Variants in PFKFB2 observed in about 807,000 individuals in gnomAD.
PFKFB2 encodes the protein 6-phosphofructo-2-kinase/fructose-2,6-biphosphatase 2.
Under a neutral mutation model 68.0 loss-of-function variants are expected in PFKFB2, and 53 were observed. The ratio of observed to expected loss-of-function variants is 0.78; its 90% CI spans 0.63 to 0.98. PFKFB2 has a LOEUF of 0.98. Ranked by LOEUF, PFKFB2 falls within the 50% of genes least tolerant of loss-of-function variation. The pLI is 0.00. For missense variants in PFKFB2, 451 were observed against 642.0 expected (o/e 0.70, Z 3.22); for synonymous variants, 222 against 227.6 (o/e 0.98, Z 0.22).
chr1:207,051,133 TC>T (rs1682741947), upstream of PFKFB2: 22 of 1,419,972 alleles, frequency 1.5e-5, no homozygotes, highest in African/African-American at 5.8e-5. Context: ...AACTGATTTT[TC>T]CCCCACCCTC....
chr1:207,046,025 C>T (rs932256050), intron 2 of PFKFB2: 6 of 151,940 alleles, frequency 3.9e-5, no homozygotes, highest in African/African-American at 1.4e-4. Context: ...CACAAAATTT[C>T]CAGGTATGTT....
At chr1:207,060,528 A>G (rs990045220) in intron 2 of PFKFB2, among the ~76,000 whole-genome samples, 1 of 152,206 alleles carries the variant, frequency 6.6e-6, no homozygotes, top group Non-Finnish European at 1.5e-5. Flanking sequence ...ACTATGGTTT[A>G]GAAATTCTGG....
In PFKFB2 at chr1:207,063,436, C is replaced by G. The variant is rs761380567; in HGVS notation, c.450+15C>G. 8.8e-6 allele frequency: 14 copies of G among 1,588,226 alleles called. 1 individual carries two copies. The South Asian group carries it at 1.6e-4, about 18-fold the overall frequency. The stretch of plus-strand genomic sequence containing the variant: ...ATTCCTTCAAGGTAGGATCTGACTC[C>G]ATGTTGGAGGAAAAGGGATGAGTAG... On this transcript the variant is annotated intron_variant, in intron 6 of 14. Transcript: ENST00000367080. The surrounding 1 kb of genome is among the most constrained non-coding windows in gnomAD (Gnocchi z 4.1).
At chr1:207,036,927 C>A (rs1320725126) in intron 1 of PFKFB2, among the ~76,000 whole-genome samples, 1 of 152,272 alleles carries the variant, frequency 6.6e-6, no homozygotes, top group African/African-American at 2.4e-5. Flanking sequence ...TAGCAGCTCA[C>A]TAACTTCCGA....
chr1:207,065,644 G>A (rs1043498147), intron 8 of PFKFB2, among the ~76,000 whole-genome samples: 16 of 152,054 alleles, frequency 1.1e-4, no homozygotes, highest in African/African-American at 3.6e-4. Context: ...GAGTCACTGC[G>A]CCTGGCTGGA....
chr1:207,046,839 A>ACAGGAACATATCAAAACATATTG lies in PFKFB2; in HGVS notation c.-18+4630_-18+4631insGAACATATCAAAACATATTGCAG, dbSNP rs1299773205. ...ATGTTGGAACATATCAAAACATATG[A>ACAGGAACATATCAAAACATATTG]CAGAAACATATCAAAACATGCCTGG... On this transcript the variant is annotated intron_variant, in intron 2 of 5. Coordinates refer to the PFKFB2 transcript ENST00000545806. 3.3e-5 allele frequency: 5 copies of ACAGGAACATATCAAAACATATTG among 152,228 alleles called. No individual in the cohort carries two copies. In the East Asian group the frequency reaches 7.7e-4, roughly 23 times the overall value. The allele number at this position is 152,228 out of a possible 1,614,324, so 9.4% of individuals were successfully genotyped here. A position where few individuals can be genotyped will look rare whatever the true frequency, so the allele number is the denominator to read the frequency against.
chr1:207,076,333 A>G lies in PFKFB2; in HGVS notation c.*3962A>G. The G allele has an allele frequency of 2.0e-6, 2 of 985,106 alleles. No individual in the cohort carries two copies. The highest frequency in any genetic ancestry group is 5.2e-4 in the Middle Eastern group (1 of 1,914). 61.0% of individuals were successfully genotyped at this position (985,106 alleles called of 1,614,324 possible). A position where few individuals can be genotyped will look rare whatever the true frequency, so the allele number is the denominator to read the frequency against. ...TTGGAGTGGCCAATGGGCACGGGAA[A>G]AAGTATCCAGTAATCAGAAGAATTG... On this transcript the variant is annotated 3_prime_UTR_variant, in exon 15 of 15. Coordinates refer to ENST00000367080, the MANE Select transcript of PFKFB2 (RefSeq NM_006212.2).
In PFKFB2 at chr1:207,076,271, G is replaced by A; in HGVS notation, c.*3900G>A. 1.3e-6 allele frequency: 1 copy of A among 790,172 alleles called. No individual in the cohort carries two copies. Among genetic ancestry groups the A allele is most frequent in the Non-Finnish European group, 1.5e-6 (1 of 662,930 alleles). 48.9% of individuals were successfully genotyped at this position (790,172 alleles called of 1,614,324 possible). ...TTTTTTCTTTTTTTTTTTTTTTTATGAGCAGGAGATCTTAATTGACAGAAA... is the reference window on the plus strand; with the variant it reads ...TTTTTTCTTTTTTTTTTTTTTTTATAAGCAGGAGATCTTAATTGACAGAAA... On this transcript the variant is annotated 3_prime_UTR_variant, in exon 15 of 15. Transcript: ENST00000367080.
At position 207,077,038 on chromosome 1, in the gene PFKFB2, T is replaced by G. The variant is rs1683646886; in HGVS notation, c.*4667T>G. The G allele has an allele frequency of 1.0e-6, 1 of 984,440 alleles. No individual in the cohort carries two copies. 61.0% of individuals were successfully genotyped at this position (984,440 alleles called of 1,614,324 possible). A position where few individuals can be genotyped will look rare whatever the true frequency, so the allele number is the denominator to read the frequency against. On this transcript the variant is annotated 3_prime_UTR_variant, in exon 15 of 15. Transcript: ENST00000367080. ...AGTAGTGGCCAAATTCTCATTATTTTGTACAAGATAAAGGTTATGCATCAC... is the reference window on the plus strand; with the variant it reads ...AGTAGTGGCCAAATTCTCATTATTTGGTACAAGATAAAGGTTATGCATCAC...
At chr1:207,049,127 T>C (rs748457386), upstream of PFKFB2, 2 of 1,614,042 alleles carry the variant, frequency 1.2e-6, no homozygotes, top group Non-Finnish European at 1.7e-6. Context: ...GTGAAGCGGT[T>C]GACATCAGTA....
rs143097222 is a variant in PFKFB2 at position 207,066,517 on chromosome 1, C to T, written c.633-982C>T. Among the ~76,000 whole-genome samples the T allele has an allele frequency of 5.2e-3, 787 of 151,940 alleles. 3 individuals are homozygous for T. Among genetic ancestry groups the T allele is most frequent in the Non-Finnish European group, 9.7e-3 (657 of 67,936 alleles). Reference sequence around the variant, plus strand: ...AGTATTCTTCAGTTGGAACAAAGTCCCACCTAGAAAAACATACAGAAGATC... The same window carrying T: ...AGTATTCTTCAGTTGGAACAAAGTCTCACCTAGAAAAACATACAGAAGATC... On this transcript the variant is annotated intron_variant, in intron 8 of 14. Transcript: ENST00000367080.
At position 207,074,503 on chromosome 1, in the gene PFKFB2, T is replaced by C. The variant is rs1053332705; in HGVS notation, c.*2132T>C. On this transcript the variant is annotated 3_prime_UTR_variant, in exon 15 of 15. Transcript: ENST00000367080. ...CCTGCCAGGATGATAAAGGTTGTCA[T>C]CACTGGCAACTGACTCCTGACCCCG... The C allele has an allele frequency of 1.5e-5, 15 of 985,272 alleles. No homozygotes were observed. The highest frequency in any genetic ancestry group is 1.2e-6 in the Non-Finnish European group (1 of 829,918). 61.0% of individuals were successfully genotyped at this position (985,272 alleles called of 1,614,324 possible).
intron 2 of PFKFB2, chr1:207,044,763 G>C (rs1358679258): frequency 1.3e-5 from 2 of 152,478 alleles, no homozygotes; most frequent in Non-Finnish European, 2.9e-5. Flanking sequence ...GACTAGGAAT[G>C]CATCTATTTG....
chr1:207,040,943 TTTG>T (rs1682464463), intron 1 of PFKFB2, among the ~76,000 whole-genome samples: 1 of 150,750 alleles, frequency 6.6e-6, no homozygotes, highest in African/African-American at 2.5e-5. Flanking sequence ...TTTTTTTTTT[TTTG>T]AGACAAGAGT....
intron 1 of PFKFB2, among the ~76,000 whole-genome samples, chr1:207,039,096 G>C (rs1682432966): frequency 1.3e-5 from 2 of 152,132 alleles, no homozygotes; most frequent in African/African-American, 4.8e-5. Flanking sequence ...GAAAAACAAG[G>C]CTAGATCTTT....
In PFKFB2 at chr1:207,065,172, G is replaced by C; in HGVS notation, c.632+12G>C. The C allele has an allele frequency of 6.2e-7, 1 of 1,613,348 alleles. No individual in the cohort carries two copies. The highest frequency in any genetic ancestry group is 2.2e-5 in the East Asian group (1 of 44,868). The stretch of plus-strand genomic sequence containing the variant: ...GACAACTATGACAAGTAAGGTTTAA[G>C]GCCATGGTTTGAAGGGCCCAAGGCA... On this transcript the variant is annotated intron_variant, in intron 8 of 14. Coordinates refer to ENST00000367080, the MANE Select transcript of PFKFB2 (RefSeq NM_006212.2).
At position 207,061,119 on chromosome 1, in the gene PFKFB2, T is replaced by TTATATATATC. The variant is rs1558059556; in HGVS notation, c.86-832_86-823dup. Among the ~76,000 whole-genome samples the TTATATATATC allele has an allele frequency of 3.4e-4, 13 of 38,148 alleles. 1 individual carries two copies. Among genetic ancestry groups the TTATATATATC allele is most frequent in the South Asian group, 9.4e-4 (2 of 2,120 alleles). 25.0% of individuals were successfully genotyped at this position (38,148 alleles called of 152,430 possible). A position where few individuals can be genotyped will look rare whatever the true frequency, so the allele number is the denominator to read the frequency against. The stretch of plus-strand genomic sequence containing the variant: ...TATCTTTATATATATCTATATATCT[T>TTATATATATC]TATATATATCTTTATATATATCTTT... On this transcript the variant is annotated intron_variant, in intron 2 of 14. Coordinates refer to ENST00000367080, the MANE Select transcript of PFKFB2 (RefSeq NM_006212.2).
chr1:207,045,506 A>G (rs548151909), intron 2 of PFKFB2: 1 of 152,446 alleles, frequency 6.6e-6, no homozygotes, highest in Admixed American at 6.5e-5. Context: ...CTTTTATTCC[A>G]TATATATTTT....
chr1:207,045,990 T>A (rs1171592674), intron 2 of PFKFB2: 1 of 152,044 alleles, frequency 6.6e-6, no homozygotes, highest in Admixed American at 6.5e-5. Flanking sequence ...TGGAACACAC[T>A]AATGTCTTCA....
Sources: allele counts gnomAD v4.1 joint callset (sites outside exome capture counted in the v4.1 genomes callset), GRCh38; gene constraint gnomAD v4.1.1; non-coding constraint Gnocchi (gnomAD v3.1); transcripts MANE v1.5; gene names NCBI Gene and HGNC (gene_info 2026-07-23, HGNC 2026-07-21).